The following BBS12 variants were observed in gnomAD, a reference collection of about 807,000 sequenced individuals.
The protein encoded by BBS12 is Bardet-Biedl syndrome 12.
BBS12 carries 5 observed loss-of-function variants against 5.6 expected under a neutral mutation model. That is an observed-to-expected ratio of 0.89 (90% CI 0.46 to 1.86). The LOEUF (loss-of-function observed/expected upper bound fraction) is 1.86. Among genes scored for constraint, BBS12 ranks in the 40% most tolerant of loss-of-function variants. BBS12 has a pLI of 0.01. For synonymous variants in BBS12, 308 were observed against 306.8 expected (o/e 1.00, Z -0.04); for missense variants, 748 against 830.4 (o/e 0.90, Z 1.22).
the BBS12 span, among the ~76,000 whole-genome samples, chr4:122,714,015 T>A: frequency 6.6e-6 from 1 of 152,212 alleles, no homozygotes; most frequent in East Asian, 1.9e-4. Flanking sequence ...AAGTAGCTGC[T>A]ATGGACTGAA....
At chr4:122,723,656 G>T in the BBS12 span, among the ~76,000 whole-genome samples, 1 of 152,202 alleles carries the variant, frequency 6.6e-6, no homozygotes, top group African/African-American at 2.4e-5. Context: ...AAACCTGGCA[G>T]GTGGTTAATT....
chr4:122,704,401 A>G, the BBS12 span, among the ~76,000 whole-genome samples: 1 of 152,230 alleles, frequency 6.6e-6, no homozygotes, highest in African/African-American at 2.4e-5. Context: ...CGTTTTGTTA[A>G]AGACTTACAG....
chr4:122,727,437 G>A, the BBS12 span, among the ~76,000 whole-genome samples: 1 of 151,668 alleles, frequency 6.6e-6, no homozygotes. Flanking sequence ...GTAGAGACAG[G>A]GTTTCACCAT....
At chr4:122,714,073 G>A in the BBS12 span, among the ~76,000 whole-genome samples, 1 of 152,088 alleles carries the variant, frequency 6.6e-6, no homozygotes, top group Non-Finnish European at 1.5e-5. Flanking sequence ...TTCAATATAC[G>A]TTGACACAGG....
chr4:122,728,375 G>A (rs111698593), upstream of BBS12, among the ~76,000 whole-genome samples: 2 of 152,024 alleles, frequency 1.3e-5, no homozygotes, highest in African/African-American at 2.4e-5. Context: ...CTCAAGTTAT[G>A]TAACTATTTC....
the BBS12 span, among the ~76,000 whole-genome samples, chr4:122,707,943 C>CCCTTCCTT: frequency 2.7e-3 from 392 of 143,226 alleles, 2 homozygotes; most frequent in African/African-American, 6.2e-3. Context: ...ACACTCCTTT[C>CCCTTCCTT]CCTTCCTTCC....
upstream of BBS12, chr4:122,731,281 T>C (rs937706420): frequency 6.6e-6 from 1 of 152,212 alleles, no homozygotes; most frequent in African/African-American, 2.4e-5. Flanking sequence ...AAATAGGCAT[T>C]CAATATATGT....
At chr4:122,700,840 T>TAG in the BBS12 span, among the ~76,000 whole-genome samples, 3 of 152,336 alleles carry the variant, frequency 2.0e-5, no homozygotes, top group Non-Finnish European at 4.4e-5. Context: ...ATAAGTTATG[T>TAG]AATTTGATGC....
chr4:122,706,715 C>T, the BBS12 span, among the ~76,000 whole-genome samples: 3 of 152,254 alleles, frequency 2.0e-5, no homozygotes, highest in South Asian at 2.1e-4. Context: ...ACTCTCATTT[C>T]GCAATGACTT....
intron 1 of BBS12, among the ~76,000 whole-genome samples, chr4:122,737,998 T>C (rs1426561268): frequency 1.3e-5 from 2 of 152,204 alleles, no homozygotes; most frequent in Non-Finnish European, 2.9e-5. Flanking sequence ...GACTCCTACC[T>C]TACACTTTAT....
At chr4:122,730,537 A>G (rs980638636), upstream of BBS12, 1 of 152,254 alleles carries the variant, frequency 6.6e-6, no homozygotes, top group Non-Finnish European at 1.5e-5. Context: ...AAGGACTAAA[A>G]CAACGCTATT....
upstream of BBS12, among the ~76,000 whole-genome samples, chr4:122,728,013 G>A (rs998826586): frequency 5.9e-5 from 9 of 152,050 alleles, no homozygotes; most frequent in Non-Finnish European, 1.0e-4. Flanking sequence ...CAGACTGACA[G>A]AAATCAAAAA....
chr4:122,700,934 A>G, the BBS12 span, among the ~76,000 whole-genome samples: 2 of 152,220 alleles, frequency 1.3e-5, no homozygotes, highest in Non-Finnish European at 2.9e-5. Context: ...CTCTTGATCT[A>G]CTAAGCTTTT....
At chr4:122,726,315 G>C in the BBS12 span, among the ~76,000 whole-genome samples, 1 of 152,228 alleles carries the variant, frequency 6.6e-6, no homozygotes, top group Non-Finnish European at 1.5e-5. Flanking sequence ...ATAAACATAT[G>C]AAAAAATGCT....
chr4:122,731,375 C>CTCCA (rs1800693959), upstream of BBS12: 1 of 152,184 alleles, frequency 6.6e-6, no homozygotes. Context: ...AAAACCTCTT[C>CTCCA]TCCACATCAT....
the BBS12 span, among the ~76,000 whole-genome samples, chr4:122,709,629 C>T: frequency 6.6e-6 from 1 of 151,962 alleles, no homozygotes; most frequent in African/African-American, 2.4e-5. Context: ...TTTGCAATTA[C>T]ATTTGTGCAT....
intron 1 of BBS12, among the ~76,000 whole-genome samples, chr4:122,737,432 G>A (rs1389848036): frequency 6.6e-6 from 1 of 152,164 alleles, no homozygotes; most frequent in Non-Finnish European, 1.5e-5. Flanking sequence ...TATATGTTAT[G>A]TAACTATTCT....
chr4:122,738,035 C>A (rs1026121011), intron 1 of BBS12, among the ~76,000 whole-genome samples: 5 of 152,136 alleles, frequency 3.3e-5, no homozygotes, highest in Non-Finnish European at 2.9e-5. Flanking sequence ...AATGGGTCAA[C>A]AAACTAAATA....
chr4:122,730,553 C>T (rs371578202), upstream of BBS12: 2 of 152,182 alleles, frequency 1.3e-5, no homozygotes, highest in Non-Finnish European at 1.5e-5. Flanking sequence ...CTATTAATAA[C>T]GAGTAGTCTT....
Sources: allele counts gnomAD v4.1 joint callset (sites outside exome capture counted in the v4.1 genomes callset), GRCh38; gene constraint gnomAD v4.1.1; transcripts MANE v1.5; gene names NCBI Gene and HGNC (gene_info 2026-07-23, HGNC 2026-07-21).